PHACTR1: variants seen among roughly 807,000 people sequenced by gnomAD.
PHACTR1 encodes phosphatase and actin regulator 1.
A neutral mutation model predicts 69.2 loss-of-function variants in PHACTR1; 16 were observed. The observed-to-expected ratio is 0.23, with a 90% CI of 0.16 to 0.35. The LOEUF (loss-of-function observed/expected upper bound fraction) is 0.35, where lower values mean the gene tolerates loss of function less well. Among genes scored for constraint, PHACTR1 ranks in the 10% least tolerant of loss-of-function variants. The pLI, the probability that PHACTR1 is intolerant of heterozygous loss-of-function variation, is 1.00. For synonymous variants in PHACTR1, 312 were observed against 284.5 expected (o/e 1.10, Z -0.97); for missense variants, 510 against 734.7 (o/e 0.69, Z 3.54).
Position 12,839,024 on chromosome 6 carries a change from G to A in PHACTR1, c.250+89234G>A, listed in dbSNP as rs114773232. 7.0e-3 allele frequency among the ~76,000 whole-genome samples: 1,062 copies of A among 152,282 alleles called. 17 individuals carry two copies. Among genetic ancestry groups the A allele is most frequent in the African/African-American group, 0.024 (1,011 of 41,542 alleles). On this transcript the variant is annotated intron_variant, in intron 4 of 14. Coordinates refer to ENST00000332995, the MANE Select transcript of PHACTR1 (RefSeq NM_030948.6). The stretch of plus-strand genomic sequence containing the variant: ...GTCATTTACTCTAAATGGTTCATAT[G>A]TGTAATTTAATACAACCCTGGAAGA...
At chr6:12,733,360 T>C (rs1356739387) in intron 3 of PHACTR1, among the ~76,000 whole-genome samples, 1 of 152,214 alleles carries the variant, frequency 6.6e-6, no homozygotes, top group Admixed American at 6.5e-5. Flanking sequence ...TTTGTTTCAT[T>C]TGAAACTACA....
intron 4 of PHACTR1, among the ~76,000 whole-genome samples, chr6:12,945,359 G>A (rs1470442826): frequency 6.6e-6 from 1 of 152,150 alleles, no homozygotes; most frequent in Non-Finnish European, 1.5e-5. Context: ...CTTATCCACT[G>A]TTCAGTCAAA....
At chr6:12,874,468 T>A (rs1427062250) in intron 4 of PHACTR1, among the ~76,000 whole-genome samples, 2 of 152,224 alleles carry the variant, frequency 1.3e-5, no homozygotes, top group Admixed American at 1.3e-4. Flanking sequence ...ATTCATCATA[T>A]CTTTCTTCTT....
intron 5 of PHACTR1, among the ~76,000 whole-genome samples, chr6:13,139,673 G>T (rs944900910): frequency 5.9e-5 from 9 of 152,130 alleles, no homozygotes; most frequent in Admixed American, 6.5e-5. Context: ...ACTTTGATTG[G>T]CTCACATAAT....
chr6:13,027,876 C>G (rs1380176868), intron 4 of PHACTR1, among the ~76,000 whole-genome samples: 1 of 152,154 alleles, frequency 6.6e-6, no homozygotes, highest in Non-Finnish European at 1.5e-5. Context: ...GGGGTTTCAC[C>G]ATGTTGGCCA....
chr6:12,972,408 TA>T lies in PHACTR1; in HGVS notation c.251-80956del, dbSNP rs565895703. ...GTTTTCTGTTGCTGTTATAATAAAT[TA>T]CCACAAATTTAGTGGCCTAAAGCAA... On this transcript the variant is annotated intron_variant, in intron 4 of 14. Transcript: ENST00000332995. Among the ~76,000 whole-genome samples the T allele has an allele frequency of 2.5e-3, 378 of 152,308 alleles. 4 individuals are homozygous for T. Among genetic ancestry groups the T allele is most frequent in the Admixed American group, 0.013 (206 of 15,304 alleles).
intron 4 of PHACTR1, among the ~76,000 whole-genome samples, chr6:12,903,092 A>G (rs950815217): frequency 3.9e-5 from 6 of 152,146 alleles, no homozygotes; most frequent in Non-Finnish European, 8.8e-5. Flanking sequence ...AGGGTCCTGC[A>G]GCCAGACACC....
Position 13,230,104 on chromosome 6 carries a change from G to A in PHACTR1, c.1302G>A (p.Lys434=). The A allele has an allele frequency of 6.2e-7, 1 of 1,611,338 alleles. No individual in the cohort carries two copies. The highest frequency in any genetic ancestry group is 8.5e-7 in the Non-Finnish European group (1 of 1,178,900). ...LAIKLSNRPS[K]RELEEKNILP... ...TCAAACTCAGCAACAGGCCCTCCAA[G>A]CGAGAGCTGGAAGAAAAGAACATCC... The change falls in exon 10 of 15, where the codon AAG becomes AAA. Residue 434 remains lysine, a synonymous_variant. Transcript: ENST00000332995.
intron 4 of PHACTR1, among the ~76,000 whole-genome samples, chr6:12,820,279 C>G (rs964097039): frequency 6.6e-6 from 1 of 152,130 alleles, no homozygotes; most frequent in Non-Finnish European, 1.5e-5. Context: ...CCTCCAGGTT[C>G]AAGTGATTCT....
chr6:12,767,681 AT>A (rs1768810635), intron 4 of PHACTR1, among the ~76,000 whole-genome samples: 2 of 152,136 alleles, frequency 1.3e-5, no homozygotes, highest in Non-Finnish European at 2.9e-5. Flanking sequence ...GTGTAGGGTA[AT>A]ACATGAGACT....
At chr6:13,285,040 A>T (rs1019399061) in intron 13 of PHACTR1, among the ~76,000 whole-genome samples, 1 of 152,122 alleles carries the variant, frequency 6.6e-6, no homozygotes, top group Non-Finnish European at 1.5e-5. Flanking sequence ...TCTAAATACG[A>T]AGAGGAAGGG....
intron 4 of PHACTR1, among the ~76,000 whole-genome samples, chr6:12,805,549 T>G (rs1159601526): frequency 6.6e-6 from 1 of 152,132 alleles, no homozygotes; most frequent in Non-Finnish European, 1.5e-5. Context: ...ACCTACTAAT[T>G]GTCAACTTGA....
At chr6:12,965,670 C>T (rs909276541) in intron 4 of PHACTR1, among the ~76,000 whole-genome samples, 1 of 152,086 alleles carries the variant, frequency 6.6e-6, no homozygotes, top group Non-Finnish European at 1.5e-5. Flanking sequence ...TGTGTTAAAT[C>T]CGGCATGGTT....
intron 5 of PHACTR1, among the ~76,000 whole-genome samples, chr6:13,068,146 A>C (rs562912139): frequency 6.6e-6 from 1 of 152,182 alleles, no homozygotes; most frequent in South Asian, 2.1e-4. Flanking sequence ...GTGAAACCCC[A>C]CCTCTACTAA....
intron 8 of PHACTR1, among the ~76,000 whole-genome samples, chr6:13,208,122 G>A (rs926766026): frequency 1.3e-5 from 2 of 152,186 alleles, no homozygotes; most frequent in Non-Finnish European, 1.5e-5. Flanking sequence ...TGGCTGGCAC[G>A]TTTTAATCTA....
chr6:12,781,186 T>C (rs546636627), intron 4 of PHACTR1, among the ~76,000 whole-genome samples: 25 of 152,308 alleles, frequency 1.6e-4, no homozygotes, highest in African/African-American at 6.0e-4. Flanking sequence ...CTGTGTTCTG[T>C]GCACAGACCT....
rs375082246 is a variant in PHACTR1, at chr6:13,115,626, G to A, written c.416-44578G>A. ...GGAAGAAAAGCCACTATCAAGATGC[G>A]TTTAGTTACTAAGGTTGCCACAGTC... On this transcript the variant is annotated intron_variant, in intron 5 of 14. Transcript: ENST00000332995. Among the ~76,000 whole-genome samples, 10 of 152,260 alleles carry A rather than the reference G, an allele frequency of 6.6e-5. No homozygotes were observed. The South Asian group carries it at 1.0e-3, about 16-fold the overall frequency.
At position 13,167,088 on chromosome 6, in the gene PHACTR1, T is replaced by C. The variant is rs1383439932; in HGVS notation, c.496+6804T>C. ...CTGAAGCCCAGAAAGGTTATTGATG[T>C]AACCTAAGTCACAGCCGGTGAGTGT... is the stretch of plus-strand genomic sequence containing the variant. On this transcript the variant is annotated intron_variant, in intron 6 of 14. Coordinates refer to ENST00000332995, the MANE Select transcript of PHACTR1 (RefSeq NM_030948.6). Among the ~76,000 whole-genome samples, 3 of 152,214 alleles carry C rather than the reference T, an allele frequency of 2.0e-5. No homozygotes were observed. The East Asian group carries it at 5.8e-4, about 29-fold the overall frequency.
Position 12,757,566 on chromosome 6 carries a change from C to T in PHACTR1, c.250+7776C>T, listed in dbSNP as rs946381488. 2.6e-5 allele frequency among the ~76,000 whole-genome samples: 4 copies of T among 152,066 alleles called. No individual in the cohort carries two copies. The South Asian group carries it at 6.2e-4, about 24-fold the overall frequency. ...TTGGAGGCTATGAACGGTGGTGGCT[C>T]ATCAGCGTGGTACAGCAGAAACAGT... On this transcript the variant is annotated intron_variant, in intron 4 of 14. Coordinates refer to ENST00000332995, the MANE Select transcript of PHACTR1 (RefSeq NM_030948.6).
Sources: allele counts gnomAD v4.1 joint callset (sites outside exome capture counted in the v4.1 genomes callset), GRCh38; gene constraint gnomAD v4.1.1; transcripts MANE v1.5; gene names NCBI Gene and HGNC (gene_info 2026-07-23, HGNC 2026-07-21).